PTPRD: variants seen among roughly 807,000 people sequenced by gnomAD.
The protein encoded by PTPRD is receptor-type tyrosine-protein phosphatase delta.
In PTPRD, 34 loss-of-function variants were observed where a neutral mutation model predicts 214.5. That is an observed-to-expected ratio of 0.16 (90% CI 0.12 to 0.21). The LOEUF is 0.21. PTPRD is among the 10% of genes least tolerant of loss of function. The pLI, the probability that PTPRD is intolerant of heterozygous loss-of-function variation, is 1.00. For missense variants in PTPRD, 2,545 were observed against 2,398.7 expected (o/e 1.06, Z -1.27); for synonymous variants, 1,128 against 845.7 (o/e 1.33, Z -5.79).
intron 9 of PTPRD, among the ~76,000 whole-genome samples, chr9:9,194,749 G>C (rs1399676413): frequency 2.6e-5 from 4 of 152,186 alleles, no homozygotes; most frequent in African/African-American, 9.6e-5. Flanking sequence ...TGGGAAAATA[G>C]TTCTAATAGC....
intron 44 of PTPRD, among the ~76,000 whole-genome samples, chr9:8,321,765 T>C (rs978379782): frequency 2.0e-5 from 3 of 151,820 alleles, no homozygotes; most frequent in Non-Finnish European, 4.4e-5. Context: ...AATATCCAGG[T>C]AATTCAATCC....
chr9:9,424,590 T>C (rs946056975), intron 8 of PTPRD, among the ~76,000 whole-genome samples: 2 of 152,116 alleles, frequency 1.3e-5, no homozygotes, highest in South Asian at 2.1e-4. Flanking sequence ...TTCTGATAAA[T>C]GCCAATTATG....
chr9:9,896,185 G>A lies in PTPRD; in HGVS notation c.-368+42322C>T, dbSNP rs2074927007. Among the ~76,000 whole-genome samples the A allele has an allele frequency of 6.6e-5, 10 of 151,968 alleles. No individual in the cohort carries two copies. The Admixed American group carries it at 6.6e-4, about 10-fold the overall frequency. On this transcript the variant is annotated intron_variant, in intron 5 of 45. Transcript: ENST00000381196. ...ACACACATACACAGCATATGAAAAT[G>A]TGAAAGTCTTATTAAAAGCACATAC... is the stretch of plus-strand genomic sequence containing the variant.
intron 10 of PTPRD, among the ~76,000 whole-genome samples, chr9:9,026,690 G>A (rs1270868597): frequency 2.6e-5 from 4 of 151,638 alleles, no homozygotes; most frequent in East Asian, 1.9e-4. Context: ...TTTCTGCATC[G>A]ACATTAATGC....
In PTPRD at chr9:8,460,478, C is replaced by T. The variant is rs1195519946; in HGVS notation, c.3808G>A (p.Val1270Ile). 1.9e-6 allele frequency: 3 copies of T among 1,613,574 alleles called. 1 individual carries two copies. The highest frequency in any genetic ancestry group is 2.2e-5 in the South Asian group (2 of 91,070). Residue 1270 changes from valine (V) to isoleucine (I), a missense_variant, in exon 33 of 46, where the codon GTT becomes ATT. Transcript: ENST00000381196. ...ACCACTGCAAGGACAGGACCTACAA[C>T]CCAGATCAAGCCTTCTTCTTCATCC... is the stretch of plus-strand genomic sequence containing the variant. ...ITDEEEGLIW[V>I]VGPVLAVVFI...
intron 8 of PTPRD, among the ~76,000 whole-genome samples, chr9:9,561,469 G>C (rs946901900): frequency 1.3e-5 from 2 of 152,118 alleles, no homozygotes; most frequent in African/African-American, 4.8e-5. Flanking sequence ...TACATAATTT[G>C]ACTCTTTTTC....
At chr9:9,641,068 G>A (rs1271700825) in intron 7 of PTPRD, among the ~76,000 whole-genome samples, 1 of 91,620 alleles carries the variant, frequency 1.1e-5, no homozygotes. Context: ...AGCTCCATGA[G>A]GTAATAATGA....
intron 10 of PTPRD, among the ~76,000 whole-genome samples, chr9:9,175,644 A>AAACAAG (rs1569558788): frequency 6.6e-6 from 1 of 150,546 alleles, no homozygotes; most frequent in Non-Finnish European, 1.5e-5. Context: ...AAAAAAAAAA[A>AAACAAG]AAAAAAGAGT....
chr9:8,856,889 T>C (rs148140226), intron 11 of PTPRD, among the ~76,000 whole-genome samples: 28 of 152,312 alleles, frequency 1.8e-4, no homozygotes, highest in African/African-American at 6.7e-4. Flanking sequence ...AGAGAAGCAA[T>C]GCAAGTTTTC....
In PTPRD at chr9:10,487,334, G is replaced by T. The variant is rs1430007843; in HGVS notation, c.-600+125064C>A. ...AGGAAGGACTTACTCCTGCCATTTT[G>T]TTTGTTGTTTTCTGTTTGTTTTCTG... On this transcript the variant is annotated intron_variant, in intron 2 of 45. Transcript: ENST00000381196. Among the ~76,000 whole-genome samples, 4 of 152,138 alleles carry T rather than the reference G, an allele frequency of 2.6e-5. No homozygotes were observed. In the East Asian group the frequency reaches 7.7e-4, roughly 29 times the overall value.
At chr9:8,607,167 G>A (rs544765105) in intron 14 of PTPRD, among the ~76,000 whole-genome samples, 33 of 152,108 alleles carry the variant, frequency 2.2e-4, no homozygotes, top group Admixed American at 1.2e-3. Flanking sequence ...CTAAGAGGGC[G>A]GATATAAAGA....
At chr9:9,878,764 C>G (rs1429251562) in intron 5 of PTPRD, among the ~76,000 whole-genome samples, 2 of 152,180 alleles carry the variant, frequency 1.3e-5, no homozygotes, top group African/African-American at 2.4e-5. Context: ...TAACTTTCCT[C>G]TATCTACATT....
chr9:8,644,812 G>A (rs114333916), intron 12 of PTPRD, among the ~76,000 whole-genome samples: 3,723 of 152,272 alleles, frequency 0.024, 125 homozygotes, highest in African/African-American at 0.085. Flanking sequence ...CACACCCCTT[G>A]CCATTCCATG....
At chr9:10,465,877 T>C (rs1318448938) in intron 2 of PTPRD, among the ~76,000 whole-genome samples, 1 of 152,200 alleles carries the variant, frequency 6.6e-6, no homozygotes, top group East Asian at 1.9e-4. Context: ...ATACAGATCC[T>C]AAATACTATA....
chr9:9,734,521 A>G lies in PTPRD; in HGVS notation c.-287+12T>C, dbSNP rs1232363336. The G allele has an allele frequency of 6.6e-6, 1 of 152,140 alleles. No homozygotes were observed. Among genetic ancestry groups the G allele is most frequent in the African/African-American group, 2.4e-5 (1 of 41,450 alleles). 9.4% of individuals were successfully genotyped at this position (152,140 alleles called of 1,614,324 possible). A position where few individuals can be genotyped will look rare whatever the true frequency, so the allele number is the denominator to read the frequency against. ...CAGAAGACTGAGAGTCCCAAAGAAA[A>G]AAATATCTCACCAGATTTTTGAAGT... On this transcript the variant is annotated intron_variant, in intron 7 of 45. Transcript: ENST00000381196.
rs192331638 is a variant in PTPRD, at chr9:9,130,377, T to G, written c.-143+52927A>C. 1.2e-4 allele frequency among the ~76,000 whole-genome samples: 18 copies of G among 152,310 alleles called. No individual in the cohort carries two copies. The East Asian group carries it at 3.3e-3, about 28-fold the overall frequency. On this transcript the variant is annotated intron_variant, in intron 10 of 45. Transcript: ENST00000381196. ...TTTCTCCAGTTAAGTTTCATTGGAA[T>G]TCCAAGTCACGTAAACAGAATCCTT... is the stretch of plus-strand genomic sequence containing the variant.
chr9:8,995,931 G>A (rs916315463), intron 11 of PTPRD, among the ~76,000 whole-genome samples: 1 of 152,032 alleles, frequency 6.6e-6, no homozygotes, highest in Non-Finnish European at 1.5e-5. Context: ...CAATATATCT[G>A]TAGCAATTAA....
intron 11 of PTPRD, among the ~76,000 whole-genome samples, chr9:8,771,515 G>A (rs750197221): frequency 6.6e-6 from 1 of 152,010 alleles, no homozygotes; most frequent in Non-Finnish European, 1.5e-5. Flanking sequence ...AGTGACACAC[G>A]GACTTTAAAT....
Position 9,469,663 on chromosome 9 carries a change from G to C in PTPRD, c.-236-72181C>G, listed in dbSNP as rs143258735. ...TATATATTACGGTGGATGTGCAGTAGAGAAAAATACAAAGTTGGTGCTTTC... is the reference window on the plus strand; with the variant it reads ...TATATATTACGGTGGATGTGCAGTACAGAAAAATACAAAGTTGGTGCTTTC... On this transcript the variant is annotated intron_variant, in intron 8 of 45. Transcript: ENST00000381196. Among the ~76,000 whole-genome samples, 5 of 152,292 alleles carry C rather than the reference G, an allele frequency of 3.3e-5. No homozygotes were observed. The East Asian group carries it at 9.6e-4, about 29-fold the overall frequency.
Sources: allele counts gnomAD v4.1 joint callset (sites outside exome capture counted in the v4.1 genomes callset), GRCh38; gene constraint gnomAD v4.1.1; transcripts MANE v1.5; gene names NCBI Gene and HGNC (gene_info 2026-07-23, HGNC 2026-07-21).